Variants in CACNA1C observed in about 807,000 individuals in gnomAD.
The protein encoded by CACNA1C is calcium voltage-gated channel subunit alpha1 C.
In CACNA1C, 30 loss-of-function variants were observed where a neutral mutation model predicts 229.0. The observed-to-expected ratio is 0.13, with a 90% CI of 0.10 to 0.18. The LOEUF is 0.18. Among genes scored for constraint, CACNA1C ranks in the 10% least tolerant of loss-of-function variants. The pLI is 1.00. For synonymous variants in CACNA1C, 1,114 were observed against 1,132.5 expected (o/e 0.98, Z 0.33); for missense variants, 1,658 against 2,845.0 (o/e 0.58, Z 9.49).
At chr12:2,351,442 C>CGGT (rs1242632990) in intron 3 of CACNA1C, among the ~76,000 whole-genome samples, 2 of 152,278 alleles carry the variant, frequency 1.3e-5, no homozygotes, top group East Asian at 3.9e-4. Context: ...AACAAGGCAG[C>CGGT]GGTCCCCAAG....
chr12:2,037,597 A>C (rs2049368367), intron 1 of CACNA1C, among the ~76,000 whole-genome samples: 1 of 152,192 alleles, frequency 6.6e-6, no homozygotes, highest in Admixed American at 6.5e-5. Flanking sequence ...CACTTTGTGC[A>C]GGTCAGGCAG....
rs1281236703 is a variant in CACNA1C at position 2,319,724 on chromosome 12, C to T, written c.478-129252C>T. 1.3e-5 allele frequency among the ~76,000 whole-genome samples: 2 copies of T among 152,030 alleles called. No homozygotes were observed. The highest frequency in any genetic ancestry group is 6.5e-5 in the Admixed American group (1 of 15,272). On this transcript the variant is annotated intron_variant, in intron 3 of 46. Transcript: ENST00000399655. The surrounding 1 kb of genome is among the most constrained non-coding windows in gnomAD (Gnocchi z 4.0). Reference sequence around the variant, plus strand: ...GGGTGTCTGCAAATGTTGGTGCTCACGGGGGTGTGCTGGGCCGGGAGAGGA... The same window carrying T: ...GGGTGTCTGCAAATGTTGGTGCTCATGGGGGTGTGCTGGGCCGGGAGAGGA...
intron 9 of CACNA1C, among the ~76,000 whole-genome samples, chr12:2,541,160 T>C (rs768097495): frequency 1.3e-5 from 2 of 152,100 alleles, no homozygotes; most frequent in African/African-American, 2.4e-5. Flanking sequence ...CTTTCAAGAC[T>C]CTGTCTCCAA....
chr12:2,447,995 C>T (rs376612709), intron 3 of CACNA1C, among the ~76,000 whole-genome samples: 4 of 152,220 alleles, frequency 2.6e-5, no homozygotes, highest in South Asian at 2.1e-4. Context: ...TCTGCAGAGG[C>T]GAGCAGTGGA....
At chr12:2,047,101 G>A (rs1021420854) in intron 1 of CACNA1C, among the ~76,000 whole-genome samples, 2 of 152,146 alleles carry the variant, frequency 1.3e-5, no homozygotes, top group Non-Finnish European at 2.9e-5. Context: ...GCCAGTGCAC[G>A]GCCTCTGGGT....
intron 1 of CACNA1C, among the ~76,000 whole-genome samples, chr12:2,024,398 A>G (rs906567206): frequency 6.6e-6 from 1 of 152,148 alleles, no homozygotes; most frequent in African/African-American, 2.4e-5. Context: ...GGGGGTAGAC[A>G]TTTATTTCTC....
chr12:2,240,852 C>T (rs1054946402), intron 3 of CACNA1C, among the ~76,000 whole-genome samples: 1 of 152,074 alleles, frequency 6.6e-6, no homozygotes, highest in Non-Finnish European at 1.5e-5. Flanking sequence ...AGTGCTCACC[C>T]AACTCCCTCA....
chr12:2,055,778 C>T (rs772751641), intron 1 of CACNA1C, among the ~76,000 whole-genome samples: 1 of 152,156 alleles, frequency 6.6e-6, no homozygotes, highest in Non-Finnish European at 1.5e-5. Context: ...TTTCTAGATG[C>T]GGTTCCCAGG....
At chr12:2,028,550 G>A (rs1214143877) in intron 1 of CACNA1C, among the ~76,000 whole-genome samples, 1 of 152,106 alleles carries the variant, frequency 6.6e-6, no homozygotes, top group Non-Finnish European at 1.5e-5. Context: ...TCCAGGACAA[G>A]CATGGTCCTA....
intron 9 of CACNA1C, among the ~76,000 whole-genome samples, chr12:2,517,532 T>C (rs2099799724): frequency 6.6e-6 from 1 of 152,228 alleles, no homozygotes; most frequent in Non-Finnish European, 1.5e-5. Context: ...GAAAGGGGCA[T>C]GTTTATGTAC....
At chr12:2,388,567 A>G (rs946989038) in intron 3 of CACNA1C, among the ~76,000 whole-genome samples, 1 of 152,238 alleles carries the variant, frequency 6.6e-6, no homozygotes, top group African/African-American at 2.4e-5. Context: ...TGATCAGTTC[A>G]TGGTTCATGT....
At chr12:2,634,258 T>G (rs1028049396) in intron 29 of CACNA1C, 39 bp from the exon 30 acceptor site, 5 of 1,049,668 alleles carry the variant, frequency 4.8e-6, no homozygotes, top group Non-Finnish European at 6.9e-6. Flanking sequence ...TCTTGTTGGT[T>G]CTTCTTCTCT....
chr12:2,461,151 C>G (rs2099498533), intron 5 of CACNA1C, among the ~76,000 whole-genome samples: 2 of 152,224 alleles, frequency 1.3e-5, no homozygotes, highest in South Asian at 4.2e-4. Context: ...GGGCTTTCTT[C>G]CCCACTGCTG....
intron 3 of CACNA1C, among the ~76,000 whole-genome samples, chr12:2,330,740 A>G (rs1167569606): frequency 6.6e-6 from 1 of 152,252 alleles, no homozygotes; most frequent in Non-Finnish European, 1.5e-5. Flanking sequence ...TGATGAAGGG[A>G]AGGATTATAT....
rs1326529269 is a variant in CACNA1C at position 2,144,132 on chromosome 12, A to G, written c.477+23702A>G. On this transcript the variant is annotated intron_variant, in intron 3 of 46. Coordinates refer to ENST00000399655, the MANE Select transcript of CACNA1C (RefSeq NM_000719.7). The stretch of plus-strand genomic sequence containing the variant: ...TTCCTGTGTAAACGCTGAGAAAACA[A>G]CTAAGACACATGGAAAAATTAGGAG... Among the ~76,000 whole-genome samples, 3 of 151,352 alleles carry G rather than the reference A, an allele frequency of 2.0e-5. 1 individual carries two copies. The highest frequency in any genetic ancestry group is 3.0e-5 in the Non-Finnish European group (2 of 67,690).
chr12:2,201,629 T>G (rs2097581035), intron 3 of CACNA1C, among the ~76,000 whole-genome samples: 1 of 152,272 alleles, frequency 6.6e-6, no homozygotes, highest in Non-Finnish European at 1.5e-5. Flanking sequence ...GTCACTTTTT[T>G]TACTGCTTGT....
intron 5 of CACNA1C, among the ~76,000 whole-genome samples, chr12:2,465,584 G>A: frequency 6.6e-6 from 1 of 152,154 alleles, no homozygotes; most frequent in East Asian, 1.9e-4. Flanking sequence ...AGAGCCAGGA[G>A]ACAAAAGTCC....
At chr12:2,103,843 C>T (rs1351329555) in intron 1 of CACNA1C, among the ~76,000 whole-genome samples, 5 of 152,162 alleles carry the variant, frequency 3.3e-5, no homozygotes, top group African/African-American at 1.2e-4. Context: ...AATCCTTTCC[C>T]CATTGCTTGT....
At chr12:2,591,986 A>G (rs909904475) in intron 18 of CACNA1C, among the ~76,000 whole-genome samples, 1 of 152,182 alleles carries the variant, frequency 6.6e-6, no homozygotes, top group Non-Finnish European at 1.5e-5. Context: ...AACAGTCATT[A>G]CATTTAGGGC....
Sources: gnomAD v4.1 joint callset for allele counts (sites outside exome capture counted in the v4.1 genomes callset) on GRCh38, gnomAD v4.1.1 for gene constraint, Gnocchi (gnomAD v3.1) non-coding constraint, MANE v1.5 for transcripts, NCBI Gene and HGNC (gene_info 2026-07-23, HGNC 2026-07-21) for gene names.